The following PPP2R5E variants were observed in gnomAD, a reference collection of about 807,000 sequenced individuals.
PPP2R5E encodes the protein serine/threonine-protein phosphatase 2A 56 kDa regulatory subunit epsilon isoform.
Under a neutral mutation model 65.3 loss-of-function variants are expected in PPP2R5E, and 4 were observed. The ratio of observed to expected loss-of-function variants is 0.06; its 90% confidence interval spans 0.03 to 0.14. PPP2R5E has a LOEUF of 0.14. Among genes scored for constraint, PPP2R5E ranks in the 10% least tolerant of loss-of-function variants. PPP2R5E has a pLI of 1.00. For synonymous variants in PPP2R5E, 183 were observed against 187.4 expected (o/e 0.98, Z 0.19); for missense variants, 274 against 556.1 (o/e 0.49, Z 5.10).
chr14:63,383,153 C>T (rs1884466961), intron 12 of PPP2R5E, among the ~76,000 whole-genome samples: 1 of 152,130 alleles, frequency 6.6e-6, no homozygotes, highest in Non-Finnish European at 1.5e-5. Flanking sequence ...AGCTCTTGGG[C>T]AATGTGAGGA....
At chr14:63,466,767 G>A (rs61170292) in intron 2 of PPP2R5E, among the ~76,000 whole-genome samples, 2,594 of 152,178 alleles carry the variant, frequency 0.017, 74 homozygotes, top group African/African-American at 0.06. Flanking sequence ...ATGTATGTGT[G>A]TATACATATG....
rs559900221 is a variant in PPP2R5E at position 63,375,581 on chromosome 14, T to G, written c.*428A>C. 6.5e-6 allele frequency: 1 copy of G among 153,158 alleles called. No homozygotes were observed. The highest frequency in any genetic ancestry group is 2.1e-4 in the South Asian group (1 of 4,836). The allele number at this position is 153,158 out of a possible 1,614,324, so 9.5% of individuals were successfully genotyped here. ...AACTTATAAGGAAATGACAGTCTTTTTTTCTTCCTTTACTATAAATACATT... is the reference window on the plus strand; with the variant it reads ...AACTTATAAGGAAATGACAGTCTTTGTTTCTTCCTTTACTATAAATACATT... On this transcript the variant is annotated 3_prime_UTR_variant, in exon 14 of 14. Transcript: ENST00000337537.
intron 5 of PPP2R5E, among the ~76,000 whole-genome samples, chr14:63,398,561 G>C (rs540626948): frequency 6.6e-5 from 10 of 152,348 alleles, no homozygotes; most frequent in Admixed American, 2.0e-4. Context: ...TGGAGGCCGA[G>C]GGGGTAGATC....
At chr14:63,403,782 AGG>A (rs1885904780) in intron 5 of PPP2R5E, among the ~76,000 whole-genome samples, 1 of 152,078 alleles carries the variant, frequency 6.6e-6, no homozygotes, top group Non-Finnish European at 1.5e-5. Context: ...CCTATTTTCC[AGG>A]GTTAAAAAAA....
chr14:63,375,547 T>A lies in PPP2R5E; in HGVS notation c.*462A>T, dbSNP rs927649542. ...TACAGTCAAGTTATCCAGAGGAGGA[T>A]GTTACACAAACTTATAAGGAAATGA... On this transcript the variant is annotated 3_prime_UTR_variant, in exon 14 of 14. Transcript: ENST00000337537. The A allele has an allele frequency of 6.5e-6, 1 of 152,770 alleles. No individual in the cohort carries two copies. Among genetic ancestry groups the A allele is most frequent in the Non-Finnish European group, 1.5e-5 (1 of 68,136 alleles). 9.5% of individuals were successfully genotyped at this position (152,770 alleles called of 1,614,324 possible).
chr14:63,458,407 C>T (rs544765449), intron 2 of PPP2R5E, among the ~76,000 whole-genome samples: 3 of 152,306 alleles, frequency 2.0e-5, no homozygotes, highest in African/African-American at 7.2e-5. Flanking sequence ...TCATTCAGCA[C>T]TTTGCAAAGC....
intron 2 of PPP2R5E, among the ~76,000 whole-genome samples, chr14:63,462,260 TG>T (rs2139514272): frequency 6.6e-6 from 1 of 152,114 alleles, no homozygotes; most frequent in East Asian, 1.9e-4. Flanking sequence ...TTAGTAGAGA[TG>T]GAGTTTCACC....
chr14:63,529,505 C>G (rs1893321482), intron 2 of PPP2R5E, among the ~76,000 whole-genome samples: 1 of 152,022 alleles, frequency 6.6e-6, no homozygotes, highest in Admixed American at 6.6e-5. Context: ...GGACTACAGG[C>G]ACCTGCTACC....
intron 4 of PPP2R5E, among the ~76,000 whole-genome samples, chr14:63,417,085 T>C (rs939731372): frequency 2.0e-5 from 3 of 152,244 alleles, no homozygotes; most frequent in Non-Finnish European, 4.4e-5. Context: ...AATCCAATCA[T>C]CTGTCTTGCA....
At position 63,402,996 on chromosome 14, in the gene PPP2R5E, C is replaced by T. The variant is rs538247084; in HGVS notation, c.550-6280G>A. On this transcript the variant is annotated intron_variant, in intron 5 of 13. Coordinates refer to ENST00000337537, the MANE Select transcript of PPP2R5E (RefSeq NM_006246.5). ...GATCTCAAAGAAGATACAAAGAAGA[C>T]AGGTCATTATAAAGGATAAGGCATT... Among the ~76,000 whole-genome samples, 47 of 152,300 alleles carry T rather than the reference C, an allele frequency of 3.1e-4. 2 individuals carry two copies. The South Asian group carries it at 9.1e-3, about 30-fold the overall frequency.
chr14:63,499,279 ACAG>A (rs1186367843), intron 2 of PPP2R5E, among the ~76,000 whole-genome samples: 3 of 152,234 alleles, frequency 2.0e-5, no homozygotes, highest in African/African-American at 4.8e-5. Context: ...AATATATATG[ACAG>A]CAGAAATGTA....
intron 2 of PPP2R5E, among the ~76,000 whole-genome samples, chr14:63,469,155 A>G (rs1264700236): frequency 1.3e-5 from 2 of 152,254 alleles, no homozygotes; most frequent in Non-Finnish European, 2.9e-5. Flanking sequence ...AATATACACT[A>G]TTAAGCAAAA....
chr14:63,407,175 C>CAGT (rs1447905047), intron 5 of PPP2R5E, among the ~76,000 whole-genome samples: 3 of 152,132 alleles, frequency 2.0e-5, no homozygotes, highest in African/African-American at 7.2e-5. Flanking sequence ...CTGAGGCACA[C>CAGT]AGTAGTTATG....
intron 3 of PPP2R5E, among the ~76,000 whole-genome samples, chr14:63,442,553 A>T (rs1475254165): frequency 6.6e-6 from 1 of 152,182 alleles, no homozygotes; most frequent in African/African-American, 2.4e-5. Context: ...TAAGTACAAT[A>T]AGACATTTTG....
At chr14:63,533,346 G>A (rs1174611085) in intron 2 of PPP2R5E, among the ~76,000 whole-genome samples, 1 of 151,410 alleles carries the variant, frequency 6.6e-6, no homozygotes, top group Non-Finnish European at 1.5e-5. Context: ...CAGATCACCT[G>A]AGGTCAGGAG....
chr14:63,471,294 T>C (rs1438079690), intron 2 of PPP2R5E, among the ~76,000 whole-genome samples: 1 of 152,192 alleles, frequency 6.6e-6, no homozygotes, highest in Non-Finnish European at 1.5e-5. Flanking sequence ...ATTGAAAATA[T>C]CATGATCTCC....
chr14:63,518,044 C>A (rs1892735842), intron 2 of PPP2R5E, among the ~76,000 whole-genome samples: 1 of 151,974 alleles, frequency 6.6e-6, no homozygotes, highest in Non-Finnish European at 1.5e-5. Context: ...ATCCATAGAA[C>A]ATATAGCTGA....
chr14:63,392,305 C>G (rs974642861), intron 8 of PPP2R5E, among the ~76,000 whole-genome samples: 2 of 152,310 alleles, frequency 1.3e-5, no homozygotes, highest in African/African-American at 4.8e-5. Context: ...ACATCACATT[C>G]AGCATATTGT....
intron 5 of PPP2R5E, among the ~76,000 whole-genome samples, chr14:63,399,374 T>C (rs979520175): frequency 1.5e-4 from 17 of 112,288 alleles, no homozygotes; most frequent in Admixed American, 4.9e-4. Flanking sequence ...TTCTTTTTTT[T>C]TTTTTTTTTT....
Sources: gnomAD v4.1 joint callset for allele counts (sites outside exome capture counted in the v4.1 genomes callset) on GRCh38, gnomAD v4.1.1 for gene constraint, MANE v1.5 for transcripts, NCBI Gene and HGNC (gene_info 2026-07-23, HGNC 2026-07-21) for gene names.